The following FAM227B variants were observed in gnomAD, a reference collection of about 807,000 sequenced individuals.
FAM227B encodes the protein family with sequence similarity 227 member B.
FAM227B carries 88 observed loss-of-function variants against 73.8 expected under a neutral mutation model. That is an observed-to-expected ratio of 1.19 (90% CI 1.00 to 1.42). The LOEUF is 1.42. FAM227B is among the 40% of genes most tolerant of loss of function. FAM227B has a pLI of 0.00. For missense variants in FAM227B, 632 were observed against 590.9 expected (o/e 1.07, Z -0.72); for synonymous variants, 210 against 190.5 (o/e 1.10, Z -0.84).
intron 11 of FAM227B, among the ~76,000 whole-genome samples, chr15:49,446,938 A>G (rs1427569304): frequency 6.6e-6 from 1 of 151,546 alleles, no homozygotes; most frequent in African/African-American, 2.4e-5. Flanking sequence ...GGAGAGATAA[A>G]AGGCAGAGAA....
chr15:49,446,349 G>T (rs1361689679), intron 11 of FAM227B, among the ~76,000 whole-genome samples: 1 of 151,568 alleles, frequency 6.6e-6, no homozygotes, highest in African/African-American at 2.4e-5. Flanking sequence ...AGGTGACATT[G>T]TGTAATAATG....
At chr15:49,439,859 T>C (rs757516620) in intron 11 of FAM227B, among the ~76,000 whole-genome samples, 1 of 151,730 alleles carries the variant, frequency 6.6e-6, no homozygotes, top group Admixed American at 6.6e-5. Context: ...CACTCTGGAA[T>C]TACAGGTCTG....
intron 10 of FAM227B, among the ~76,000 whole-genome samples, chr15:49,522,025 C>G (rs530863512): frequency 6.6e-6 from 1 of 152,288 alleles, no homozygotes; most frequent in Admixed American, 6.5e-5. Flanking sequence ...CACCAAATAA[C>G]CTGCTGAAGC....
intron 13 of FAM227B, among the ~76,000 whole-genome samples, chr15:49,367,145 C>T (rs2045350033): frequency 6.6e-6 from 1 of 152,136 alleles, no homozygotes; most frequent in East Asian, 1.9e-4. Flanking sequence ...ATGTTTGAAA[C>T]CAGTCACTGA....
intron 11 of FAM227B, chr15:49,486,130 G>A (rs2056385160): frequency 6.6e-6 from 1 of 151,900 alleles, no homozygotes; most frequent in South Asian, 2.1e-4. Flanking sequence ...TAACCACTGT[G>A]GTTTTAATTT....
chr15:49,537,968 A>G (rs2070506976), intron 10 of FAM227B, among the ~76,000 whole-genome samples: 1 of 152,194 alleles, frequency 6.6e-6, no homozygotes, highest in South Asian at 2.1e-4. Flanking sequence ...ATGAAGGAGC[A>G]GACATGTAGG....
chr15:49,444,167 C>T (rs538963926), intron 11 of FAM227B, among the ~76,000 whole-genome samples: 2 of 151,660 alleles, frequency 1.3e-5, no homozygotes, highest in African/African-American at 2.4e-5. Context: ...CAATGAGAAC[C>T]ATATGTACTA....
Position 49,333,530 on chromosome 15 carries a change from G to A in FAM227B, c.1350-1681C>T, listed in dbSNP as rs192339125. Among the ~76,000 whole-genome samples, 534 of 152,312 alleles carry A rather than the reference G, an allele frequency of 3.5e-3. 4 individuals are homozygous for A. Among genetic ancestry groups the A allele is most frequent in the African/African-American group, 0.012 (507 of 41,562 alleles). ...AAACTTGTAAGAGTCACCCGGAATG[G>A]AACCTTGTAACAGGTGTTGTGAAGC... On this transcript the variant is annotated intron_variant, in intron 14 of 15. Coordinates refer to ENST00000299338, the MANE Select transcript of FAM227B (RefSeq NM_152647.3).
At chr15:49,555,874 T>G (rs1250296387) in intron 9 of FAM227B, among the ~76,000 whole-genome samples, 1 of 152,238 alleles carries the variant, frequency 6.6e-6, no homozygotes, top group African/African-American at 2.4e-5. Flanking sequence ...ATTCTTGAAG[T>G]GCGTTTTTCA....
intron 11 of FAM227B, among the ~76,000 whole-genome samples, chr15:49,484,126 A>G (rs987349886): frequency 6.6e-6 from 1 of 152,018 alleles, no homozygotes; most frequent in Non-Finnish European, 1.5e-5. Context: ...AATTTAAGAT[A>G]CCTTTTTATG....
chr15:49,513,626 T>C (rs1038812937), intron 10 of FAM227B, among the ~76,000 whole-genome samples: 1 of 152,230 alleles, frequency 6.6e-6, no homozygotes, highest in African/African-American at 2.4e-5. Context: ...CAATTTCAGC[T>C]TTTGTTGCAA....
chr15:49,464,669 C>A (rs763935203), intron 11 of FAM227B, among the ~76,000 whole-genome samples: 21 of 152,134 alleles, frequency 1.4e-4, no homozygotes, highest in Middle Eastern at 3.4e-3. Flanking sequence ...CAGATGTTCC[C>A]ATAAAAATGT....
At chr15:49,617,295 C>CAG (rs2078351349) in intron 1 of FAM227B, among the ~76,000 whole-genome samples, 1 of 152,058 alleles carries the variant, frequency 6.6e-6, no homozygotes, top group Admixed American at 6.5e-5. Context: ...ATGTGGGGAA[C>CAG]AGAAGGAAAC....
chr15:49,613,684 ACT>A (rs1407626125), intron 2 of FAM227B, among the ~76,000 whole-genome samples: 3 of 152,112 alleles, frequency 2.0e-5, no homozygotes, highest in South Asian at 2.1e-4. Flanking sequence ...TACCCCACTT[ACT>A]CTGATATAAT....
rs147171962 is a variant in FAM227B, at chr15:49,556,077, C to T, written c.747+12168G>A. Reference sequence around the variant, plus strand: ...TGCTCATCGAGTCTGACAAGTGACCCGGGAACCATTTCATCCTGATTAAGA... The same window carrying T: ...TGCTCATCGAGTCTGACAAGTGACCTGGGAACCATTTCATCCTGATTAAGA... On this transcript the variant is annotated intron_variant, in intron 9 of 15. Coordinates refer to ENST00000299338, the MANE Select transcript of FAM227B (RefSeq NM_152647.3). Among the ~76,000 whole-genome samples, 10 of 152,172 alleles carry T rather than the reference C, an allele frequency of 6.6e-5. No homozygotes were observed. In the East Asian group the frequency reaches 1.2e-3, roughly 18 times the overall value.
At chr15:49,572,375 ATT>A (rs2152364457) in intron 8 of FAM227B, among the ~76,000 whole-genome samples, 1 of 152,120 alleles carries the variant, frequency 6.6e-6, no homozygotes, top group South Asian at 2.1e-4. Flanking sequence ...TAATGTAAGA[ATT>A]TACAGCTATA....
chr15:49,585,066 T>C (rs1230854398), intron 5 of FAM227B, among the ~76,000 whole-genome samples: 1 of 152,150 alleles, frequency 6.6e-6, no homozygotes, highest in Non-Finnish European at 1.5e-5. Flanking sequence ...AAGACATTTA[T>C]GCAGCCAAAA....
intron 9 of FAM227B, among the ~76,000 whole-genome samples, chr15:49,546,094 G>A (rs2152287441): frequency 6.6e-6 from 1 of 152,114 alleles, no homozygotes; most frequent in South Asian, 2.1e-4. Flanking sequence ...ATCTCCCAAT[G>A]CTATCCGTCC....
intron 11 of FAM227B, among the ~76,000 whole-genome samples, chr15:49,397,060 G>A (rs1257978416): frequency 1.3e-5 from 2 of 152,020 alleles, no homozygotes; most frequent in Non-Finnish European, 2.9e-5. Flanking sequence ...AGCTACGGGA[G>A]GACATTCAAA....
Sources: allele counts gnomAD v4.1 joint callset (sites outside exome capture counted in the v4.1 genomes callset), GRCh38; gene constraint gnomAD v4.1.1; transcripts MANE v1.5; gene names NCBI Gene and HGNC (gene_info 2026-07-23, HGNC 2026-07-21).